The following NFIB variants were observed in gnomAD, a reference collection of about 807,000 sequenced individuals.
NFIB encodes the protein nuclear factor I B.
In NFIB, 11 loss-of-function variants were observed where a neutral mutation model predicts 61.5. The observed-to-expected ratio is 0.18, with a 90% CI of 0.11 to 0.30. The LOEUF (loss-of-function observed/expected upper bound fraction) is 0.30, where lower values mean the gene tolerates loss of function less well. NFIB is among the 10% of genes least tolerant of loss of function. NFIB has a pLI of 1.00. For missense variants in NFIB, 471 were observed against 608.9 expected, an observed-to-expected ratio of 0.77 and a Z score of 2.38; for synonymous variants, 260 against 216.5, an observed-to-expected ratio of 1.20 and a Z score of -1.76.
intron 2 of NFIB, 109 bp from the exon 3 acceptor site, chr9:14,179,889 T>A (rs1032062374): frequency 1.0e-6 from 1 of 999,460 alleles, no homozygotes; most frequent in African/African-American, 1.6e-5. Flanking sequence ...TGAAGTTGAG[T>A]GCTTAAATAA....
In NFIB at chr9:14,178,590, T is replaced by A. The variant is rs147284666; in HGVS notation, c.616+1137A>T. Among the ~76,000 whole-genome samples the A allele has an allele frequency of 3.3e-3, 509 of 152,258 alleles. 4 individuals carry two copies. Among genetic ancestry groups the A allele is most frequent in the African/African-American group, 0.012 (498 of 41,572 alleles). On this transcript the variant is annotated intron_variant, in intron 3 of 10. Transcript: ENST00000380953. ...AATATGATTTTGTACAATACAGAATTAATAAATATTTGGAAAAAGATAATT... is the reference window on the plus strand; with the variant it reads ...AATATGATTTTGTACAATACAGAATAAATAAATATTTGGAAAAAGATAATT...
chr9:14,328,397 C>T (rs2060780534), intron 1 of NFIB, among the ~76,000 whole-genome samples: 1 of 152,180 alleles, frequency 6.6e-6, no homozygotes, highest in Non-Finnish European at 1.5e-5. Flanking sequence ...CTTCCTGCCT[C>T]AGCCTCCCAA....
chr9:14,348,180 C>G (rs1389898763), intron 1 of NFIB, among the ~76,000 whole-genome samples: 2 of 152,230 alleles, frequency 1.3e-5, no homozygotes, highest in African/African-American at 2.4e-5. Context: ...TGGCATTCCG[C>G]TTTTCCTTAC....
chr9:14,281,919 G>A (rs982928254), intron 2 of NFIB, among the ~76,000 whole-genome samples: 3 of 151,688 alleles, frequency 2.0e-5, no homozygotes, highest in Non-Finnish European at 4.4e-5. Context: ...ATGCCCAGAG[G>A]AACAAAAAAT....
chr9:14,264,896 G>A (rs1242792777), intron 2 of NFIB, among the ~76,000 whole-genome samples: 2 of 151,728 alleles, frequency 1.3e-5, no homozygotes, highest in African/African-American at 2.4e-5. Flanking sequence ...GTTAGGTTCC[G>A]TGACTTCCCT....
Position 14,120,578 on chromosome 9 carries a change from T to C in NFIB, c.1107A>G (p.Pro369=), listed in dbSNP as rs774343883. The C allele has an allele frequency of 6.2e-7, 1 of 1,613,400 alleles. No individual in the cohort carries two copies. The highest frequency in any genetic ancestry group is 1.1e-5 in the South Asian group (1 of 90,922). The change falls in exon 8 of 11, where the codon CCA becomes CCG. Residue 369 remains proline, a synonymous_variant. Transcript: ENST00000380953. This position sits in a 1 kb window ranked among gnomAD's most constrained non-coding sequence, Gnocchi z 4.4. ...TPPPPSPLPF[P]TQAILPPAPS... ...GGGCTGGAGGAAGGATAGCTTGTGT[T>C]GGAAATGGCAACGGTGAAGGTGGAG...
At chr9:14,357,467 C>T (rs2061189484) in intron 1 of NFIB, 1 of 152,162 alleles carries the variant, frequency 6.6e-6, no homozygotes, top group Non-Finnish European at 1.5e-5. Context: ...AAGTCAGATC[C>T]AACTTTTTCC....
At chr9:14,330,741 A>G (rs2060810501) in intron 1 of NFIB, among the ~76,000 whole-genome samples, 1 of 152,144 alleles carries the variant, frequency 6.6e-6, no homozygotes. Flanking sequence ...CCACAGAGTC[A>G]ACACGGTGAA....
intron 2 of NFIB, among the ~76,000 whole-genome samples, chr9:14,261,555 T>C (rs2056757537): frequency 1.3e-5 from 2 of 151,988 alleles, no homozygotes; most frequent in Admixed American, 1.3e-4. Context: ...AAATGGCATA[T>C]AAATTTATTA....
the NFIB span, among the ~76,000 whole-genome samples, chr9:14,486,648 C>T: frequency 6.6e-6 from 1 of 151,930 alleles, no homozygotes; most frequent in Non-Finnish European, 1.5e-5. Context: ...CAGGTGATGC[C>T]TTCCATGTTC....
At chr9:14,124,099 C>T (rs1468404837) in intron 7 of NFIB, among the ~76,000 whole-genome samples, 1 of 152,162 alleles carries the variant, frequency 6.6e-6, no homozygotes, top group Non-Finnish European at 1.5e-5. Context: ...AACAAGATGC[C>T]TAACACAGAC....
At chr9:14,427,811 T>G in the NFIB span, among the ~76,000 whole-genome samples, 10 of 151,926 alleles carry the variant, frequency 6.6e-5, no homozygotes, top group African/African-American at 2.4e-4. Flanking sequence ...AAGCAGGAAA[T>G]TTGAAATAGA....
At chr9:14,506,530 A>C in the NFIB span, among the ~76,000 whole-genome samples, 1 of 152,232 alleles carries the variant, frequency 6.6e-6, no homozygotes, top group African/African-American at 2.4e-5. Context: ...TAAGGACAAT[A>C]TAACATGAAG....
the NFIB span, among the ~76,000 whole-genome samples, chr9:14,473,110 G>C: frequency 6.6e-6 from 1 of 152,190 alleles, no homozygotes; most frequent in Non-Finnish European, 1.5e-5. Context: ...AGTTCTAGAG[G>C]TGAAGGAATG....
chr9:14,292,442 A>C (rs1253365751), intron 2 of NFIB, among the ~76,000 whole-genome samples: 7 of 152,246 alleles, frequency 4.6e-5, no homozygotes. Context: ...TTAATAAATA[A>C]AATGTATTAA....
At chr9:14,410,781 G>C in the NFIB span, among the ~76,000 whole-genome samples, 9 of 152,124 alleles carry the variant, frequency 5.9e-5, no homozygotes, top group African/African-American at 2.2e-4. Context: ...GTGCTCTGGG[G>C]TCTACAGTGC....
chr9:14,420,216 A>C, the NFIB span, among the ~76,000 whole-genome samples: 1 of 151,994 alleles, frequency 6.6e-6, no homozygotes, highest in African/African-American at 2.4e-5. Context: ...GGAGGCCGAG[A>C]AGGGCAGATC....
At chr9:14,299,362 CTTTTATGTAG>C (rs2132632682) in intron 2 of NFIB, among the ~76,000 whole-genome samples, 1 of 152,156 alleles carries the variant, frequency 6.6e-6, no homozygotes, top group South Asian at 2.1e-4. Context: ...TTGTTAAATG[CTTTTATGTAG>C]TTTTATGAGA....
At chr9:14,136,412 T>C (rs1171364140) in intron 6 of NFIB, among the ~76,000 whole-genome samples, 12 of 152,172 alleles carry the variant, frequency 7.9e-5, no homozygotes, top group African/African-American at 2.2e-4. Flanking sequence ...GTCTTATTAA[T>C]GTTAAGCATC....
Sources: gnomAD v4.1 joint callset for allele counts (sites outside exome capture counted in the v4.1 genomes callset) on GRCh38, gnomAD v4.1.1 for gene constraint, Gnocchi (gnomAD v3.1) non-coding constraint, MANE v1.5 for transcripts, NCBI Gene and HGNC (gene_info 2026-07-23, HGNC 2026-07-21) for gene names.